The following GPR50 variants were observed in gnomAD, a reference collection of about 807,000 sequenced individuals.
GPR50 encodes the protein G protein-coupled receptor 50.
In GPR50, 1 loss-of-function variant was observed where a neutral mutation model predicts 2.6. The observed-to-expected ratio is 0.38, with a 90% confidence interval of 0.13 to 1.79. The LOEUF (loss-of-function observed/expected upper bound fraction) is 1.79. Among genes scored for constraint, GPR50 ranks in the 40% most tolerant of loss-of-function variants. GPR50 has a pLI of 0.33. For synonymous variants in GPR50, 233 were observed against 202.3 expected (o/e 1.15, Z -1.29); for missense variants, 535 against 522.1 (o/e 1.02, Z -0.24).
chrX:151,176,982 C>T, intron 1 of GPR50, 74 bp downstream of exon 1: 1 of 693,110 alleles, frequency 1.4e-6, no homozygotes, highest in Non-Finnish European at 2.2e-6. Context: ...TTTGAGCTCC[C>T]CGAATAGAGA....
rs752135038 is a variant in GPR50, at chrX:151,181,160, C to G, written c.1577C>G (p.Thr526Ser). The G allele has an allele frequency of 8.3e-7, 1 of 1,211,308 alleles. No individual in the cohort carries two copies. The highest frequency in any genetic ancestry group is 2.2e-5 in the Admixed American group (1 of 46,022). Reference sequence around the variant, plus strand: ...GCTGACTATCCCAAGCCTGCCACTACCAGCCACCCTAAGCCCACTGCTGCT... The same window carrying G: ...GCTGACTATCCCAAGCCTGCCACTAGCAGCCACCCTAAGCCCACTGCTGCT... ...TTADYPKPAT[T>S]SHPKPTAADN... Residue 526 changes from threonine (T) to serine (S), a missense_variant, in exon 2 of 2, where the codon ACC (threonine) becomes AGC (serine). Thr to Ser is a moderately conservative substitution (Grantham distance 58, BLOSUM62 1). Transcript: ENST00000218316.
chrX:151,177,609 CG>C (rs1156339562), intron 1 of GPR50: 1 of 113,575 alleles, frequency 8.8e-6, no homozygotes, highest in Non-Finnish European at 1.9e-5. Flanking sequence ...GTGGCAGCGA[CG>C]GCGGCGGCAG....
intron 1 of GPR50, 120 bp downstream of exon 1, chrX:151,177,028 C>T (rs1179660564): frequency 8.0e-6 from 4 of 498,337 alleles, no homozygotes; most frequent in African/African-American, 4.8e-5. Context: ...AACATCCCTG[C>T]TCCCAAATTC....
In GPR50 at chrX:151,176,667, A is replaced by C; in HGVS notation, c.-55A>C. 1 of 877,133 alleles carries C rather than the reference A, an allele frequency of 1.1e-6. No homozygotes were observed. The highest frequency in any genetic ancestry group is 1.6e-6 in the Non-Finnish European group (1 of 623,391). The allele number at this position is 877,133 out of a possible 1,213,427, so 72.3% of individuals were successfully genotyped here. The stretch of plus-strand genomic sequence containing the variant: ...GACAGAACAGGTGTTTGCTGTCTGG[A>C]CCTGGCTGCTGATCCTGAGCCTGCT... On this transcript the variant is annotated 5_prime_UTR_variant, in exon 1 of 2. Transcript: ENST00000218316.
At chrX:151,179,089 CCT>C (rs1491127866) in intron 1 of GPR50, among the ~76,000 whole-genome samples, 5 of 104,299 alleles carry the variant, frequency 4.8e-5, no homozygotes, top group African/African-American at 7.0e-5. Context: ...TCCCGCCCGC[CCT>C]CTCACTACTT....
In GPR50 at chrX:151,181,190, A is replaced by G. The variant is rs374366140; in HGVS notation, c.1607A>G (p.Asn536Ser). ...TSHPKPTAADNPELSASHCPE... is the reference protein window; with the variant it reads ...TSHPKPTAADSPELSASHCPE... ...CACCCTAAGCCCACTGCTGCTGACA[A>G]CCCTGAGCTCTCTGCCTCCCATTGC... The change falls in exon 2 of 2, where the codon AAC becomes AGC. Residue 536 changes from asparagine to serine, a missense_variant. Physicochemically the swap from Asn to Ser is conservative, Grantham distance 46. Coordinates refer to ENST00000218316, the MANE Select transcript of GPR50 (RefSeq NM_004224.3). The G allele has an allele frequency of 8.3e-7, 1 of 1,208,294 alleles. No homozygotes were observed. The highest frequency in any genetic ancestry group is 1.8e-5 in the African/African-American group (1 of 56,706).
chrX:151,180,603 C>T lies in GPR50; in HGVS notation c.1020C>T (p.Ala340=). 8.3e-7 allele frequency: 1 copy of T among 1,209,984 alleles called. No homozygotes were observed. The highest frequency in any genetic ancestry group is 1.1e-6 in the Non-Finnish European group (1 of 894,048). Residue 340 remains alanine (A), a synonymous_variant, in exon 2 of 2, where the codon GCC becomes GCT. Transcript: ENST00000218316. ...QEARTLARAR[A]HARDQAREQD... The stretch of plus-strand genomic sequence containing the variant: ...CCCGTACCCTGGCCCGCGCCCGTGC[C>T]CATGCTCGCGACCAAGCTCGTGAAC...
rs769509642 is a variant in GPR50, at chrX:151,180,051, C to G, written c.468C>G (p.Thr156=). The G allele has an allele frequency of 8.3e-7, 1 of 1,211,642 alleles. No homozygotes were observed. ...CIYLVITWIM[T]VLAVLPNMYI... ...ACCTGGTCATCACCTGGATCATGACCGTCCTGGCTGTCCTGCCCAACATGT... is the reference window on the plus strand; with the variant it reads ...ACCTGGTCATCACCTGGATCATGACGGTCCTGGCTGTCCTGCCCAACATGT... Residue 156 remains threonine (T), a synonymous_variant, in exon 2 of 2, where the codon ACC becomes ACG. Transcript: ENST00000218316.
At chrX:151,181,542 CATAGAG>C, downstream of GPR50, 1 of 541,855 alleles carries the variant, frequency 1.8e-6, no homozygotes. Flanking sequence ...GACACTGACA[CATAGAG>C]ATGGTGTAAG....
At position 151,176,832 on chromosome X, in the gene GPR50, C is replaced by A. The variant is rs1013442300; in HGVS notation, c.111C>A (p.Ile37=). 5 of 1,199,717 alleles carry A rather than the reference C, an allele frequency of 4.2e-6. No individual in the cohort carries two copies. Among genetic ancestry groups the A allele is most frequent in the Non-Finnish European group, 5.7e-6 (5 of 884,840 alleles). The part of the protein sequence containing the change: ...LIIFMFCAMV[I]TIVVDLIGNS... ...TCTTTATGTTCTGCGCGATGGTTAT[C>A]ACCATCGTTGTAGACCTAATCGGCA... Residue 37 remains isoleucine, a synonymous_variant, in exon 1 of 2, where the codon ATC becomes ATA. Coordinates refer to ENST00000218316, the MANE Select transcript of GPR50 (RefSeq NM_004224.3).
At chrX:151,179,684 T>C (rs1460497237) in intron 1 of GPR50, 87 bp from the exon 2 acceptor site, 11 of 630,674 alleles carry the variant, frequency 1.7e-5, no homozygotes, top group Non-Finnish European at 2.7e-5. Flanking sequence ...GGCCTTCCCC[T>C]GCACCTTAAA....
intron 1 of GPR50, among the ~76,000 whole-genome samples, chrX:151,177,216 A>C (rs1009600356): frequency 4.4e-5 from 5 of 112,625 alleles, no homozygotes; most frequent in African/African-American, 1.3e-4. Context: ...CCGGCACCCG[A>C]GCGGGAGAGT....
chrX:151,178,034 G>A (rs1408993668), intron 1 of GPR50, among the ~76,000 whole-genome samples: 1 of 109,555 alleles, frequency 9.1e-6, no homozygotes, highest in Admixed American at 9.6e-5. Flanking sequence ...GGGCAAAGGC[G>A]CCCAAACTCC....
At position 151,180,722 on chromosome X, in the gene GPR50, A is replaced by C; in HGVS notation, c.1139A>C (p.Asp380Ala). Residue 380 changes from aspartate (D) to alanine (A), a missense_variant, in exon 2 of 2, where the codon GAC (aspartate) becomes GCC (alanine). Coordinates refer to ENST00000218316, the MANE Select transcript of GPR50 (RefSeq NM_004224.3). Reference sequence around the variant, plus strand: ...GGTGATGCTGCAGCTGGCCACCCCGACCGTGCCTCTGGCCACCCTAAGCCC... The same window carrying C: ...GGTGATGCTGCAGCTGGCCACCCCGCCCGTGCCTCTGGCCACCCTAAGCCC... ...LPGDAAAGHP[D>A]RASGHPKPHS... The C allele has an allele frequency of 8.3e-7, 1 of 1,210,529 alleles. No individual in the cohort carries two copies. Among genetic ancestry groups the C allele is most frequent in the Non-Finnish European group, 1.1e-6 (1 of 894,994 alleles).
chrX:151,181,003 C>G lies in GPR50; in HGVS notation c.1420C>G (p.Pro474Ala), dbSNP rs767985802. 6.6e-6 allele frequency: 8 copies of G among 1,209,206 alleles called. No homozygotes were observed. In the East Asian group the frequency reaches 8.9e-5, roughly 13 times the overall value. Residue 474 changes from proline (P) to alanine (A), a missense_variant, in exon 2 of 2, where the codon CCC (proline) becomes GCC (alanine). Physicochemically the swap from Pro to Ala is conservative, Grantham distance 27 (BLOSUM62 -1). Transcript: ENST00000218316. The stretch of plus-strand genomic sequence containing the variant: ...TCATTTCAAGCCTGCTTCCAGCAAC[C>G]CCAAGCCCATCACTGGCCACCATGT... The part of the protein sequence containing the change: ...SVHFKPASSN[P>A]KPITGHHVSA...
intron 1 of GPR50, chrX:151,177,630 C>T (rs2048687815): frequency 8.8e-6 from 1 of 113,930 alleles, no homozygotes; most frequent in Non-Finnish European, 1.8e-5. Context: ...GCGGAGATCC[C>T]AAGGTCCGTA....
chrX:151,180,637 G>A lies in GPR50; in HGVS notation c.1054G>A (p.Ala352Thr). ...ARDQAREQDR[A>T]HACPAVEETP... ...CGACCAAGCTCGTGAACAAGACCGT[G>A]CCCATGCCTGTCCTGCTGTGGAGGA... The change falls in exon 2 of 2, where the codon GCC (alanine) becomes ACC (threonine). Residue 352 changes from alanine (A) to threonine (T), a missense_variant. Transcript: ENST00000218316. 8.3e-7 allele frequency: 1 copy of A among 1,211,156 alleles called. No individual in the cohort carries two copies. The highest frequency in any genetic ancestry group is 1.1e-6 in the Non-Finnish European group (1 of 895,127).
intron 1 of GPR50, among the ~76,000 whole-genome samples, chrX:151,178,913 A>G (rs1402244098): frequency 8.9e-6 from 1 of 112,351 alleles, no homozygotes; most frequent in Non-Finnish European, 1.9e-5. Context: ...AGGCTCCAGT[A>G]AAGTTCAGTG....
In GPR50 at chrX:151,181,085, CCACCACTGGCCA is replaced by C. The variant is rs68058591; in HGVS notation, c.1505_1516del (p.Thr502_His505del). The C allele has an allele frequency of 0.42, 509,793 of 1,205,827 alleles. 74,316 individuals carry two copies. Among genetic ancestry groups the C allele is most frequent in the Admixed American group, 0.52 (23,735 of 45,397 alleles). The stretch of plus-strand genomic sequence containing the variant: ...AGTGCTGCCACCAGCCACCCTAAAC[CCACCACTGGCCA>C]CATCAAGCCAGCTACCAGCCATGCT... On this transcript the variant is annotated inframe_deletion, in exon 2 of 2. Coordinates refer to ENST00000218316, the MANE Select transcript of GPR50 (RefSeq NM_004224.3).
Sources: gnomAD v4.1 joint callset for allele counts (sites outside exome capture counted in the v4.1 genomes callset) on GRCh38, gnomAD v4.1.1 for gene constraint, MANE v1.5 for transcripts, NCBI Gene and HGNC (gene_info 2026-07-23, HGNC 2026-07-21) for gene names.